The following AKR1B15 variants were observed in gnomAD, a reference collection of about 807,000 sequenced individuals.
The protein encoded by AKR1B15 is aldo-keto reductase family 1 member B15, also known as estradiol 17-beta-dehydrogenase AKR1B15.
AKR1B15 carries 49 observed loss-of-function variants against 38.5 expected under a neutral mutation model. The ratio of observed to expected loss-of-function variants is 1.27; its 90% confidence interval spans 1.01 to 1.62. The LOEUF is 1.62. Ranked by LOEUF, AKR1B15 falls within the 40% of genes most tolerant of loss-of-function variation. The pLI, the probability that AKR1B15 is intolerant of heterozygous loss-of-function variation, is 0.00. For missense variants in AKR1B15, 411 were observed against 381.6 expected, an observed-to-expected ratio of 1.08 and a Z score of -0.64; for synonymous variants, 137 against 135.5, an observed-to-expected ratio of 1.01 and a Z score of -0.08.
intron 1 of AKR1B15, among the ~76,000 whole-genome samples, chr7:134,556,293 C>T (rs1021652395): frequency 6.6e-6 from 1 of 152,202 alleles, no homozygotes. Flanking sequence ...GGACGGGATA[C>T]ATCACCTCCT....
intron 2 of AKR1B15, among the ~76,000 whole-genome samples, chr7:134,560,215 A>C (rs189606078): frequency 1.3e-5 from 2 of 152,252 alleles, no homozygotes; most frequent in African/African-American, 2.4e-5. Context: ...ACTTGCTTTG[A>C]TCAATAGAAG....
intron 4 of AKR1B15, among the ~76,000 whole-genome samples, 179 bp from the exon 5 acceptor site, chr7:134,569,234 T>A (rs1794611397): frequency 6.6e-6 from 1 of 152,184 alleles, no homozygotes. Flanking sequence ...ACTTAAGACA[T>A]GTCATTGAGG....
rs1314008525 is a variant in AKR1B15, at chr7:134,565,424, G to A, written c.150+655G>A. On this transcript the variant is annotated intron_variant, in intron 3 of 11. Transcript: ENST00000457545. ...AACCCTCTGGAAGGAACCAACTCTG[G>A]ACACAGCAGGACGTGAGACTTCTAC... 6.2e-6 allele frequency: 10 copies of A among 1,611,136 alleles called. 1 individual carries two copies. The South Asian group carries it at 1.1e-4, about 18-fold the overall frequency.
chr7:134,579,424 T>C (rs1316580617), intron 11 of AKR1B15, 83 bp from the exon 12 acceptor site: 1 of 1,216,646 alleles, frequency 8.2e-7, no homozygotes, highest in East Asian at 2.4e-5. Context: ...TACCACAGAG[T>C]CCACCAGAGA....
At chr7:134,573,671 C>A in intron 6 of AKR1B15, 2 of 428,442 alleles carry the variant, frequency 4.7e-6, no homozygotes, top group Non-Finnish European at 6.2e-6. Context: ...ACCTATGATG[C>A]ACAAAAGCTT....
At chr7:134,575,318 C>A (rs766138823) in intron 6 of AKR1B15, 102 bp from the exon 7 acceptor site, 3 of 1,501,378 alleles carry the variant, frequency 2.0e-6, no homozygotes, top group Admixed American at 4.7e-5. Flanking sequence ...AACTCTGTTG[C>A]GGTGGATCCT....
chr7:134,563,173 C>A (rs1487867608), intron 2 of AKR1B15, among the ~76,000 whole-genome samples: 1 of 152,072 alleles, frequency 6.6e-6, no homozygotes, highest in East Asian at 1.9e-4. Context: ...TCACAGAATC[C>A]TCAATCTCAC....
In AKR1B15 at chr7:134,571,640, A is replaced by C; in HGVS notation, c.472A>C (p.Asn158His). 6.2e-7 allele frequency: 1 copy of C among 1,613,834 alleles called. No individual in the cohort carries two copies. The highest frequency in any genetic ancestry group is 8.5e-7 in the Non-Finnish European group (1 of 1,179,860). ...DDFFPKDDKGNMISGKGTFLD... is the reference protein window; with the variant it reads ...DDFFPKDDKGHMISGKGTFLD... Reference sequence around the variant, plus strand: ...CTTTTTCCCCAAAGATGATAAAGGTAATATGATCAGTGGAAAAGGAACGTT... The same window carrying C: ...CTTTTTCCCCAAAGATGATAAAGGTCATATGATCAGTGGAAAAGGAACGTT... Residue 158 changes from asparagine (N) to histidine (H), a missense_variant, in exon 6 of 12, where the codon AAT (asparagine) becomes CAT (histidine). Asn to His is a moderately conservative substitution (Grantham distance 68, BLOSUM62 1). Transcript: ENST00000457545.
chr7:134,565,068 G>A, intron 3 of AKR1B15: 2 of 302,920 alleles, frequency 6.6e-6, no homozygotes, highest in Non-Finnish European at 1.2e-5. Context: ...GCAGGATGTG[G>A]GCAAATAATG....
intron 3 of AKR1B15, among the ~76,000 whole-genome samples, chr7:134,566,081 C>A (rs1794527557): frequency 6.6e-6 from 1 of 152,106 alleles, no homozygotes; most frequent in African/African-American, 2.4e-5. Context: ...ACTGCTTAAG[C>A]CCAGGAGTTG....
intron 3 of AKR1B15, 87 bp from the exon 4 acceptor site, chr7:134,568,071 A>G (rs1794580528): frequency 6.6e-7 from 1 of 1,509,686 alleles, no homozygotes; most frequent in Non-Finnish European, 9.0e-7. Flanking sequence ...TGAACCTGGG[A>G]GTGTGAGGCC....
Position 134,579,619 on chromosome 7 carries a change from AG to A in AKR1B15, c.*71del. On this transcript the variant is annotated 3_prime_UTR_variant, in exon 12 of 12. Coordinates refer to ENST00000457545, the MANE Select transcript of AKR1B15 (RefSeq NM_001080538.3). ...GCTGAAGTGTGACTGTCTCCACTCA[AG>A]AACTATTTTAGCCAAGCTTATCTGA... 1 of 1,399,184 alleles carries A rather than the reference AG, an allele frequency of 7.1e-7. No individual in the cohort carries two copies. The highest frequency in any genetic ancestry group is 9.7e-7 in the Non-Finnish European group (1 of 1,028,280). The allele number at this position is 1,399,184 out of a possible 1,614,324, so 86.7% of individuals were successfully genotyped here. A position where few individuals can be genotyped will look rare whatever the true frequency, so the allele number is the denominator to read the frequency against.
intron 6 of AKR1B15, among the ~76,000 whole-genome samples, chr7:134,572,497 G>GTGTGCC (rs997968540): frequency 1.3e-5 from 2 of 152,052 alleles, no homozygotes; most frequent in Non-Finnish European, 2.9e-5. Flanking sequence ...GTGTGGTGGT[G>GTGTGCC]TGTGCCTGGA....
intron 2 of AKR1B15, among the ~76,000 whole-genome samples, chr7:134,558,303 T>C (rs1421221860): frequency 6.6e-6 from 1 of 152,234 alleles, no homozygotes; most frequent in Non-Finnish European, 1.5e-5. Flanking sequence ...TACACTGAAA[T>C]GCCTCCAATT....
At position 134,568,113 on chromosome 7, in the gene AKR1B15, T is replaced by TA. The variant is rs761369683; in HGVS notation, c.151-35dup. On this transcript the variant is annotated intron_variant, in intron 3 of 11. Transcript: ENST00000457545. ...GGCAACATGGCAAGGTCTCATCTCT[T>TA]AAAAAAAAAATACATGTGTGATGGG... is the stretch of plus-strand genomic sequence containing the variant. The TA allele has an allele frequency of 7.5e-4, 1,072 of 1,426,666 alleles. 3 individuals carry two copies. The highest frequency in any genetic ancestry group is 3.9e-3 in the African/African-American group (269 of 69,840). The allele number at this position is 1,426,666 out of a possible 1,614,324, so 88.4% of individuals were successfully genotyped here. A position where few individuals can be genotyped will look rare whatever the true frequency, so the allele number is the denominator to read the frequency against.
intron 2 of AKR1B15, among the ~76,000 whole-genome samples, 194 bp downstream of exon 2, chr7:134,557,053 T>G (rs1014762399): frequency 6.6e-6 from 1 of 152,142 alleles, no homozygotes; most frequent in Non-Finnish European, 1.5e-5. Context: ...AAAAATACTC[T>G]TCAAAGAGTT....
At position 134,567,149 on chromosome 7, in the gene AKR1B15, G is replaced by A. The variant is rs149321825; in HGVS notation, c.151-1009G>A. Among the ~76,000 whole-genome samples, 157 of 152,232 alleles carry A rather than the reference G, an allele frequency of 1.0e-3. 2 individuals are homozygous for A. Among genetic ancestry groups the A allele is most frequent in the African/African-American group, 3.6e-3 (150 of 41,528 alleles). On this transcript the variant is annotated intron_variant, in intron 3 of 11. Coordinates refer to ENST00000457545, the MANE Select transcript of AKR1B15 (RefSeq NM_001080538.3). ...AGCCCGTTTCTTGCCCAGGTGGTAG[G>A]GTAGTTGTGCATCTCTGTTTTGTGT... is the stretch of plus-strand genomic sequence containing the variant.
chr7:134,575,551 T>C lies in AKR1B15; in HGVS notation c.636+9T>C, dbSNP rs1794750415. On this transcript the variant is annotated intron_variant, in intron 7 of 11. Coordinates refer to ENST00000457545, the MANE Select transcript of AKR1B15 (RefSeq NM_001080538.3). ...AACCAGTGACTAACCAGGTAAATTCTATTCAGTTTAAGGGTAAGGGTCCTG... is the reference window on the plus strand; with the variant it reads ...AACCAGTGACTAACCAGGTAAATTCCATTCAGTTTAAGGGTAAGGGTCCTG... 6.2e-7 allele frequency: 1 copy of C among 1,613,692 alleles called. No homozygotes were observed. Among genetic ancestry groups the C allele is most frequent in the African/African-American group, 1.3e-5 (1 of 74,912 alleles).
intron 10 of AKR1B15, among the ~76,000 whole-genome samples, chr7:134,577,463 G>A (rs1225217856): frequency 6.6e-6 from 1 of 152,154 alleles, no homozygotes; most frequent in African/African-American, 2.4e-5. Context: ...TGCACGCCTG[G>A]GGTTTAGTGC....
Sources: gnomAD v4.1 joint callset for allele counts (sites outside exome capture counted in the v4.1 genomes callset) on GRCh38, gnomAD v4.1.1 for gene constraint, MANE v1.5 for transcripts, NCBI Gene and HGNC (gene_info 2026-07-23, HGNC 2026-07-21) for gene names.